The following DAB1 variants were observed in gnomAD, a reference collection of about 807,000 sequenced individuals.
DAB1 encodes disabled homolog 1.
In DAB1, 15 loss-of-function variants were observed where a neutral mutation model predicts 64.6. The ratio of observed to expected loss-of-function variants is 0.23; its 90% CI spans 0.16 to 0.36. The LOEUF (loss-of-function observed/expected upper bound fraction) is 0.36. Among genes scored for constraint, DAB1 ranks in the 10% least tolerant of loss-of-function variants. The pLI, the probability that DAB1 is intolerant of heterozygous loss-of-function variation, is 1.00. For synonymous variants in DAB1, 235 were observed against 251.9 expected, an observed-to-expected ratio of 0.93 and a Z score of 0.64; for missense variants, 596 against 706.7, an observed-to-expected ratio of 0.84 and a Z score of 1.78.
intron 2 of DAB1, among the ~76,000 whole-genome samples, chr1:58,511,179 G>T (rs1646071051): frequency 6.6e-6 from 1 of 152,088 alleles, no homozygotes; most frequent in Non-Finnish European, 1.5e-5. Flanking sequence ...AAGCAATCTT[G>T]AAAAAGAGTA....
rs200933259 is a variant in DAB1 at position 58,473,974 on chromosome 1, A to G, written n.257+32086T>C. On this transcript the variant is annotated intron_variant and non_coding_transcript_variant, in intron 3 of 20. Coordinates refer to the DAB1 transcript ENST00000485760. Reference sequence around the variant, plus strand: ...AACTTCTCTTCCCGGACAAGCTGTCACATGCACGTAAATATCACTTTATGC... The same window carrying G: ...AACTTCTCTTCCCGGACAAGCTGTCGCATGCACGTAAATATCACTTTATGC... The G allele has an allele frequency of 7.6e-4, 966 of 1,270,456 alleles. 1 individual carries two copies. Among genetic ancestry groups the G allele is most frequent in the Non-Finnish European group, 9.6e-4 (924 of 958,070 alleles). 78.7% of individuals were successfully genotyped at this position (1,270,456 alleles called of 1,614,324 possible).
At chr1:57,897,666 A>C (rs1644411413) in intron 5 of DAB1, among the ~76,000 whole-genome samples, 1 of 152,178 alleles carries the variant, frequency 6.6e-6, no homozygotes, top group African/African-American at 2.4e-5. Context: ...GAAAATGGCA[A>C]GGAAACGCAG....
At chr1:57,207,645 GT>G (rs1347314919) in intron 2 of DAB1, among the ~76,000 whole-genome samples, 2 of 149,688 alleles carry the variant, frequency 1.3e-5, no homozygotes, top group African/African-American at 2.5e-5. Context: ...GGGTTTCACC[GT>G]TTTTAGCCGG....
At chr1:57,638,202 T>G (rs981521428) in intron 7 of DAB1, among the ~76,000 whole-genome samples, 3 of 152,218 alleles carry the variant, frequency 2.0e-5, no homozygotes, top group Non-Finnish European at 4.4e-5. Flanking sequence ...GTTTTAACAT[T>G]AAAATTCATG....
At chr1:57,513,712 T>C (rs1644431224) in intron 7 of DAB1, among the ~76,000 whole-genome samples, 1 of 152,244 alleles carries the variant, frequency 6.6e-6, no homozygotes, top group Non-Finnish European at 1.5e-5. Flanking sequence ...ACTTAAGATC[T>C]ACTCCCTTGG....
At chr1:57,508,371 A>T (rs1412294202) in intron 7 of DAB1, among the ~76,000 whole-genome samples, 1 of 152,232 alleles carries the variant, frequency 6.6e-6, no homozygotes, top group African/African-American at 2.4e-5. Flanking sequence ...GCTAAAAAGT[A>T]TCTGTTGAAT....
At chr1:58,213,506 G>A (rs1031270206) in intron 4 of DAB1, among the ~76,000 whole-genome samples, 6 of 152,044 alleles carry the variant, frequency 3.9e-5, no homozygotes, top group East Asian at 1.9e-4. Context: ...AGTGCAGAGC[G>A]AAGGCCGGGA....
intron 6 of DAB1, among the ~76,000 whole-genome samples, chr1:57,665,371 T>C (rs1432413314): frequency 6.6e-6 from 1 of 152,104 alleles, no homozygotes; most frequent in East Asian, 1.9e-4. Flanking sequence ...GGGAGATAAG[T>C]ATGCTTTTGC....
chr1:57,779,157 T>C (rs1424662523), intron 6 of DAB1, among the ~76,000 whole-genome samples: 1 of 152,158 alleles, frequency 6.6e-6, no homozygotes, highest in Non-Finnish European at 1.5e-5. Flanking sequence ...AGACTGGATT[T>C]GAATGTGGCC....
chr1:58,071,401 T>TGTGTGTGTGG (rs1557637262), intron 5 of DAB1: 1 of 151,602 alleles, frequency 6.6e-6, no homozygotes, highest in East Asian at 1.9e-4. Context: ...TGTGTGTGTG[T>TGTGTGTGTGG]GTGTGGGTGG....
At chr1:58,155,436 C>T (rs560258060) in intron 4 of DAB1, among the ~76,000 whole-genome samples, 177 of 152,226 alleles carry the variant, frequency 1.2e-3, no homozygotes, top group Non-Finnish European at 2.2e-3. Flanking sequence ...GTCCAAAGTG[C>T]CAAAGTGGAG....
intron 7 of DAB1, among the ~76,000 whole-genome samples, chr1:57,477,257 A>G (rs1210394603): frequency 1.3e-5 from 2 of 152,162 alleles, no homozygotes; most frequent in East Asian, 1.9e-4. Flanking sequence ...TTGCATCACA[A>G]TTTGGCATGT....
At chr1:57,846,706 T>G (rs1653303939) in intron 1 of DAB1, among the ~76,000 whole-genome samples, 1 of 152,148 alleles carries the variant, frequency 6.6e-6, no homozygotes, top group Non-Finnish European at 1.5e-5. Flanking sequence ...GAACTACAAG[T>G]AACAAAACTG....
At chr1:58,470,031 G>C (rs1393743145) in intron 3 of DAB1, among the ~76,000 whole-genome samples, 1 of 151,862 alleles carries the variant, frequency 6.6e-6, no homozygotes, top group Non-Finnish European at 1.5e-5. Context: ...AGCAGCCCCA[G>C]GAAGTACACT....
intron 6 of DAB1, among the ~76,000 whole-genome samples, chr1:57,781,026 C>T (rs936611077): frequency 5.4e-5 from 8 of 148,492 alleles, no homozygotes; most frequent in African/African-American, 1.5e-4. Context: ...CCGCCCCTGG[C>T]GTTTTGTATT....
chr1:58,445,352 G>A (rs143302105), intron 3 of DAB1, among the ~76,000 whole-genome samples: 1 of 152,328 alleles, frequency 6.6e-6, no homozygotes, highest in African/African-American at 2.4e-5. Flanking sequence ...TACGGAGGAA[G>A]ACATTAAAAC....
At chr1:57,360,995 C>T (rs1679502350) in intron 1 of DAB1, among the ~76,000 whole-genome samples, 1 of 152,046 alleles carries the variant, frequency 6.6e-6, no homozygotes, top group African/African-American at 2.4e-5. Flanking sequence ...CCAGAAATGT[C>T]CAGTCTAGTT....
rs189074676 is a variant in DAB1 at position 57,959,639 on chromosome 1, G to A, written n.388-75477C>T. 8.5e-5 allele frequency among the ~76,000 whole-genome samples: 13 copies of A among 152,230 alleles called. No individual in the cohort carries two copies. The East Asian group carries it at 2.5e-3, about 29-fold the overall frequency. ...TTTTACTTTTTTAAATTATCTTGTAGCTCTTCTTAAGCTCACATACTGAGC... is the reference window on the plus strand; with the variant it reads ...TTTTACTTTTTTAAATTATCTTGTAACTCTTCTTAAGCTCACATACTGAGC... On this transcript the variant is annotated intron_variant and non_coding_transcript_variant, in intron 5 of 20. Coordinates refer to the DAB1 transcript ENST00000485760.
intron 1 of DAB1, among the ~76,000 whole-genome samples, chr1:57,380,216 A>G (rs1421368810): frequency 6.6e-6 from 1 of 152,192 alleles, no homozygotes; most frequent in Non-Finnish European, 1.5e-5. Context: ...TAGAGAAATT[A>G]CTAACAAAAA....
Sources: allele counts gnomAD v4.1 joint callset (sites outside exome capture counted in the v4.1 genomes callset), GRCh38; gene constraint gnomAD v4.1.1; transcripts MANE v1.5; gene names NCBI Gene and HGNC (gene_info 2026-07-23, HGNC 2026-07-21).